RRP1: variants seen among roughly 807,000 people sequenced by gnomAD.
RRP1 encodes the protein ribosomal RNA processing protein 1 homolog A.
In RRP1, 37 loss-of-function variants were observed where a neutral mutation model predicts 54.6. The ratio of observed to expected loss-of-function variants is 0.68; its 90% confidence interval spans 0.52 to 0.89. The LOEUF (loss-of-function observed/expected upper bound fraction) is 0.89. Ranked by LOEUF, RRP1 falls within the 40% of genes least tolerant of loss-of-function variation. The pLI is 0.00. For synonymous variants in RRP1, 262 were observed against 244.3 expected, an observed-to-expected ratio of 1.07 and a Z score of -0.67; for missense variants, 639 against 612.5, an observed-to-expected ratio of 1.04 and a Z score of -0.46.
At chr21:43,802,695 G>T (rs2085106924) in intron 12 of RRP1, among the ~76,000 whole-genome samples, 3 of 152,152 alleles carry the variant, frequency 2.0e-5, no homozygotes. Context: ...TTAGATCCAA[G>T]CCCCGTCCGC....
chr21:43,798,037 T>G lies in RRP1; in HGVS notation c.748T>G (p.Ser250Ala). The change falls in exon 8 of 13, where the codon TCC becomes GCC. Residue 250 changes from serine (S) to alanine (A), a missense_variant. Physicochemically the swap from Ser to Ala is moderately conservative, Grantham distance 99. Transcript: ENST00000497547. ...DEEVASDSDESSEGGERGDAL... is the reference protein window; with the variant it reads ...DEEVASDSDEASEGGERGDAL... ...GGAGGTGGCGTCGGACAGTGATGAG[T>G]CCTCTGAGGGTGGTGAGCGTGGAGA... The G allele has an allele frequency of 6.2e-7, 1 of 1,614,084 alleles. No homozygotes were observed. Among genetic ancestry groups the G allele is most frequent in the Non-Finnish European group, 8.5e-7 (1 of 1,179,986 alleles).
Position 43,805,169 on chromosome 21 carries a change from G to A in RRP1, c.*1395G>A, listed in dbSNP as rs1442810407. ...CACATGCCTGTAATCCCAGCTACTCGGGAGGCTGAGGCAGGAGAATTGCTT... is the reference window on the plus strand; with the variant it reads ...CACATGCCTGTAATCCCAGCTACTCAGGAGGCTGAGGCAGGAGAATTGCTT... On this transcript the variant is annotated 3_prime_UTR_variant, in exon 13 of 13. Transcript: ENST00000497547. 1.3e-5 allele frequency: 2 copies of A among 152,264 alleles called. No individual in the cohort carries two copies. The highest frequency in any genetic ancestry group is 4.8e-5 in the African/African-American group (2 of 41,404). The allele number at this position is 152,264 out of a possible 1,614,324, so 9.4% of individuals were successfully genotyped here.
At position 43,803,600 on chromosome 21, in the gene RRP1, A is replaced by C; in HGVS notation, c.1212A>C (p.Ala404=). 6.4e-7 allele frequency: 1 copy of C among 1,551,716 alleles called. No homozygotes were observed. The highest frequency in any genetic ancestry group is 8.7e-7 in the Non-Finnish European group (1 of 1,148,120). The change falls in exon 13 of 13, where the codon GCA becomes GCC. Residue 404 remains alanine (A), a synonymous_variant. Transcript: ENST00000497547. ...RGVGADPEAR[A]EAGEQPGTAE... The stretch of plus-strand genomic sequence containing the variant: ...TAGGGGCCGACCCCGAGGCGCGGGC[A>C]GAGGCTGGTGAGCAGCCAGGCACAG...
chr21:43,800,199 G>A (rs1024096046), intron 9 of RRP1, among the ~76,000 whole-genome samples: 2 of 152,210 alleles, frequency 1.3e-5, no homozygotes, highest in Non-Finnish European at 2.9e-5. Context: ...GTGCTTGTCT[G>A]TGTGGTTCCT....
At chr21:43,795,411 T>C (rs1454213513) in intron 5 of RRP1, among the ~76,000 whole-genome samples, 161 bp downstream of exon 5, 3 of 152,192 alleles carry the variant, frequency 2.0e-5, no homozygotes, top group Admixed American at 2.0e-4. Context: ...AAAATCAGTT[T>C]GTGTGTTTGT....
intron 1 of RRP1, chr21:43,791,131 C>T (rs191525490): frequency 1.9e-4 from 119 of 624,448 alleles, no homozygotes; most frequent in African/African-American, 1.4e-3. Flanking sequence ...TTACTGTGTG[C>T]GTGAAGTAGC....
chr21:43,791,310 G>C (rs1887900088), intron 1 of RRP1, 40 bp from the exon 2 acceptor site: 1 of 1,602,588 alleles, frequency 6.2e-7, no homozygotes, highest in African/African-American at 1.3e-5. Context: ...ACTCGAAGGT[G>C]TGGGATTCAT....
chr21:43,803,246 A>G (rs963541839), intron 12 of RRP1, among the ~76,000 whole-genome samples: 13 of 152,152 alleles, frequency 8.5e-5, no homozygotes, highest in African/African-American at 2.9e-4. Context: ...CCTTGAGCCC[A>G]GTCCTGCCTA....
At chr21:43,793,099 G>A (rs1197325256) in intron 3 of RRP1, 1 of 573,304 alleles carries the variant, frequency 1.7e-6, no homozygotes, top group East Asian at 3.0e-5. Flanking sequence ...GAGTTGAGAA[G>A]TTCTTACCCT....
At chr21:43,791,876 C>G (rs1160020709) in intron 2 of RRP1, among the ~76,000 whole-genome samples, 1 of 152,156 alleles carries the variant, frequency 6.6e-6, no homozygotes, top group East Asian at 1.9e-4. Context: ...TTCGGCACGG[C>G]TGGTGGGCCT....
Position 43,803,528 on chromosome 21 carries a change from GC to G in RRP1, c.1145del (p.Pro382ArgfsTer15), listed in dbSNP as rs1220587331. The G allele has an allele frequency of 1.3e-6, 2 of 1,556,158 alleles. No homozygotes were observed. The highest frequency in any genetic ancestry group is 1.7e-6 in the Non-Finnish European group (2 of 1,149,024). On this transcript the variant is annotated frameshift_variant, in exon 13 of 13. Coordinates refer to ENST00000497547, the MANE Select transcript of RRP1 (RefSeq NM_003683.6). LOFTEE classifies it low-confidence loss of function (END_TRUNC). ...QQERGKGEKE[P>X]PSPGMERKRS... ...TTTTGTCAGGGAAAGGTGAGAAGGA[GC>G]CCCCGAGCCCGGGCATGGAGAGGAA...
chr21:43,798,336 C>T (rs1375938912), intron 8 of RRP1, among the ~76,000 whole-genome samples: 2 of 152,160 alleles, frequency 1.3e-5, no homozygotes, highest in Non-Finnish European at 2.9e-5. Flanking sequence ...CCCTGGGCTC[C>T]TCGGTCTAAC....
rs777980293 is a variant in RRP1, at chr21:43,791,440, G to A, written c.216+8G>A. 9 of 1,613,486 alleles carry A rather than the reference G, an allele frequency of 5.6e-6. No individual in the cohort carries two copies. The East Asian group carries it at 1.1e-4, about 20-fold the overall frequency. On this transcript the variant is annotated splice_region_variant and intron_variant, in intron 2 of 12. Coordinates refer to ENST00000497547, the MANE Select transcript of RRP1 (RefSeq NM_003683.6). ...GACAAGCCACTCCTCCAGGTGAGTGGGGGGAGCAGCAGAGCAGGTACAGAA... is the reference window on the plus strand; with the variant it reads ...GACAAGCCACTCCTCCAGGTGAGTGAGGGGAGCAGCAGAGCAGGTACAGAA...
At chr21:43,795,642 G>A (rs186192868) in intron 5 of RRP1, among the ~76,000 whole-genome samples, 55 of 152,244 alleles carry the variant, frequency 3.6e-4, no homozygotes, top group Middle Eastern at 6.8e-3. Context: ...TTGACCTCCC[G>A]GGCTCAAGTG....
chr21:43,796,573 C>G (rs888418656), intron 5 of RRP1, among the ~76,000 whole-genome samples: 1 of 152,162 alleles, frequency 6.6e-6, no homozygotes, highest in African/African-American at 2.4e-5. Flanking sequence ...TCATTAATAT[C>G]CACGCCATTG....
At position 43,797,842 on chromosome 21, in the gene RRP1, C is replaced by T. The variant is rs1481406844; in HGVS notation, c.618-65C>T. ...GGGTGGGGAGAGGTTGCAGGGGAGT[C>T]GGCGGCTTCCGCTTGGGAATCCAGC... is the stretch of plus-strand genomic sequence containing the variant. On this transcript the variant is annotated intron_variant, in intron 7 of 12. Coordinates refer to ENST00000497547, the MANE Select transcript of RRP1 (RefSeq NM_003683.6). 8 of 1,570,992 alleles carry T rather than the reference C, an allele frequency of 5.1e-6. No homozygotes were observed. In the African/African-American group the frequency reaches 5.4e-5, roughly 11 times the overall value.
At chr21:43,800,938 CG>C in intron 11 of RRP1, 57 bp downstream of exon 11, 1 of 1,592,680 alleles carries the variant, frequency 6.3e-7, no homozygotes, top group South Asian at 1.1e-5. Context: ...GCTCCATCCT[CG>C]TGGGAGTGGT....
At position 43,795,337 on chromosome 21, in the gene RRP1, A is replaced by G. The variant is rs181666558; in HGVS notation, c.422+87A>G. On this transcript the variant is annotated intron_variant, in intron 5 of 12. Coordinates refer to ENST00000497547, the MANE Select transcript of RRP1 (RefSeq NM_003683.6). ...TCATTTGATTCTTTGCCATAAGGAG[A>G]TGTCAGCCTTTATATTAACGCATGC... 3.5e-5 allele frequency: 45 copies of G among 1,303,680 alleles called. 2 individuals are homozygous for G. Among genetic ancestry groups the G allele is most frequent in the Admixed American group, 2.7e-4 (16 of 58,820 alleles). 80.8% of individuals were successfully genotyped at this position (1,303,680 alleles called of 1,614,324 possible). A position where few individuals can be genotyped will look rare whatever the true frequency, so the allele number is the denominator to read the frequency against.
At chr21:43,791,478 G>A (rs770921220) in intron 2 of RRP1, 46 bp downstream of exon 2, 20 of 1,547,482 alleles carry the variant, frequency 1.3e-5, no homozygotes, top group Middle Eastern at 1.7e-4. Flanking sequence ...AGCGGGGGAG[G>A]ATGGATGGGC....
Sources: gnomAD v4.1 joint callset for allele counts (sites outside exome capture counted in the v4.1 genomes callset) on GRCh38, gnomAD v4.1.1 for gene constraint, MANE v1.5 for transcripts, NCBI Gene and HGNC (gene_info 2026-07-23, HGNC 2026-07-21) for gene names.